NEK11: variants seen among roughly 807,000 people sequenced by gnomAD.
NEK11 encodes NIMA related kinase 11.
A neutral mutation model predicts 80.7 loss-of-function variants in NEK11; 72 were observed. That is an observed-to-expected ratio of 0.89 (90% CI 0.74 to 1.08). The LOEUF is 1.08. Ranked by LOEUF, NEK11 falls within the 50% of genes least tolerant of loss-of-function variation. NEK11 has a pLI of 0.00. For missense variants in NEK11, 764 were observed against 763.6 expected, an observed-to-expected ratio of 1.00 and a Z score of -0.01; for synonymous variants, 251 against 260.7, an observed-to-expected ratio of 0.96 and a Z score of 0.36.
intron 14 of NEK11, among the ~76,000 whole-genome samples, chr3:131,215,236 T>A (rs9824184): frequency 0.086 from 11,192 of 129,926 alleles, 474 homozygotes; most frequent in Non-Finnish European, 0.094. Flanking sequence ...GAACACTTGG[T>A]CACAGGAAGG....
chr3:131,118,298 C>A (rs1028028751), intron 5 of NEK11, among the ~76,000 whole-genome samples: 8 of 152,120 alleles, frequency 5.3e-5, no homozygotes, highest in Admixed American at 4.6e-4. Context: ...ATATGTTGAA[C>A]CAGCCTTGCA....
chr3:131,214,988 C>T (rs1177265890), intron 14 of NEK11, among the ~76,000 whole-genome samples: 2 of 152,088 alleles, frequency 1.3e-5, no homozygotes, highest in Non-Finnish European at 2.9e-5. Flanking sequence ...GAAAAGGTCA[C>T]GGTACTAACC....
chr3:131,165,649 A>G, intron 12 of NEK11, 130 bp downstream of exon 12: 1 of 626,250 alleles, frequency 1.6e-6, no homozygotes, highest in South Asian at 2.0e-5. Flanking sequence ...AATTCCAGGA[A>G]GGATTCTAGA....
chr3:131,308,619 T>G (rs907247080), intron 17 of NEK11, among the ~76,000 whole-genome samples: 2 of 152,232 alleles, frequency 1.3e-5, no homozygotes, highest in Non-Finnish European at 2.9e-5. Context: ...GTTGATGGTC[T>G]TCTGCATGTC....
chr3:131,250,839 T>A (rs2095687113), intron 16 of NEK11, among the ~76,000 whole-genome samples: 1 of 152,056 alleles, frequency 6.6e-6, no homozygotes, highest in South Asian at 2.1e-4. Context: ...TTAGAAGTTA[T>A]TAGAAAACTA....
At chr3:131,072,152 T>C (rs1414720652) in intron 3 of NEK11, 2 of 152,160 alleles carry the variant, frequency 1.3e-5, no homozygotes, top group Non-Finnish European at 2.9e-5. Context: ...TCAAGAAGTC[T>C]AGAGAGAGAG....
intron 14 of NEK11, among the ~76,000 whole-genome samples, chr3:131,225,868 G>A (rs539335284): frequency 7.9e-5 from 12 of 152,072 alleles, no homozygotes; most frequent in South Asian, 4.1e-4. Context: ...CTTTTGTTTC[G>A]ACTATAAAGA....
intron 16 of NEK11, among the ~76,000 whole-genome samples, chr3:131,259,946 C>T (rs886731273): frequency 2.0e-5 from 3 of 152,182 alleles, no homozygotes; most frequent in South Asian, 2.1e-4. Flanking sequence ...GCAGATTCTT[C>T]GACAGTTTTG....
rs759751535 is a variant in NEK11, at chr3:131,129,052, C to CTTTTTT, written c.456-3679_456-3674dup. Among the ~76,000 whole-genome samples, 4 of 109,550 alleles carry CTTTTTT rather than the reference C, an allele frequency of 3.7e-5. 1 individual carries two copies. Among genetic ancestry groups the CTTTTTT allele is most frequent in the African/African-American group, 1.1e-4 (3 of 27,454 alleles). 71.9% of individuals were successfully genotyped at this position (109,550 alleles called of 152,430 possible). A position where few individuals can be genotyped will look rare whatever the true frequency, so the allele number is the denominator to read the frequency against. On this transcript the variant is annotated intron_variant, in intron 5 of 17. Coordinates refer to ENST00000383366, the MANE Select transcript of NEK11 (RefSeq NM_024800.5). ...TTCTTTGTATATTTTGGATAACAGT[C>CTTTTTT]TTTTTTTTTTTTTTTTTTTGAGACT...
At chr3:131,265,035 G>A (rs1353297612) in intron 16 of NEK11, among the ~76,000 whole-genome samples, 1 of 152,162 alleles carries the variant, frequency 6.6e-6, no homozygotes, top group Non-Finnish European at 1.5e-5. Flanking sequence ...TGGTATATAG[G>A]AATGCTTGTG....
intron 5 of NEK11, among the ~76,000 whole-genome samples, chr3:131,110,386 T>C (rs2079911596): frequency 6.6e-6 from 1 of 152,134 alleles, no homozygotes; most frequent in South Asian, 2.1e-4. Flanking sequence ...ACAGAATGTA[T>C]TCTTTCACCT....
chr3:131,239,592 C>T (rs2095490027), intron 15 of NEK11, among the ~76,000 whole-genome samples: 3 of 152,138 alleles, frequency 2.0e-5, no homozygotes, highest in African/African-American at 7.2e-5. Context: ...GATATGCCTT[C>T]GGGAGTCAGT....
At chr3:131,054,450 A>C (rs915411240) in intron 3 of NEK11, 1 of 152,168 alleles carries the variant, frequency 6.6e-6, no homozygotes, top group African/African-American at 2.4e-5. Flanking sequence ...TTCTTCCGTG[A>C]AGGATATCTC....
chr3:131,254,862 A>G (rs1356718808), intron 16 of NEK11, among the ~76,000 whole-genome samples: 1 of 152,078 alleles, frequency 6.6e-6, no homozygotes, highest in Non-Finnish European at 1.5e-5. Flanking sequence ...TCTACTAAAA[A>G]TACAAAAATT....
intron 17 of NEK11, among the ~76,000 whole-genome samples, chr3:131,291,162 T>A (rs1056806054): frequency 6.6e-6 from 1 of 152,244 alleles, no homozygotes; most frequent in Non-Finnish European, 1.5e-5. Context: ...TTTTCTGGAA[T>A]GTCATATAGT....
At chr3:131,225,158 A>C (rs2095153660) in intron 14 of NEK11, among the ~76,000 whole-genome samples, 1 of 152,174 alleles carries the variant, frequency 6.6e-6, no homozygotes, top group Non-Finnish European at 1.5e-5. Flanking sequence ...CAGATGTGCC[A>C]TTTAAAAAAT....
chr3:131,157,825 A>G lies in NEK11; in HGVS notation c.962+2704A>G, dbSNP rs549026784. On this transcript the variant is annotated intron_variant, in intron 10 of 17. Coordinates refer to ENST00000383366, the MANE Select transcript of NEK11 (RefSeq NM_024800.5). The stretch of plus-strand genomic sequence containing the variant: ...GCAGAGAGCAACCTATTCTTGCCAC[A>G]GGCCTCTGGAATCCTGGCTGGAGGA... Among the ~76,000 whole-genome samples, 19 of 152,286 alleles carry G rather than the reference A, an allele frequency of 1.2e-4. 1 individual carries two copies. The South Asian group carries it at 4.0e-3, about 32-fold the overall frequency.
chr3:131,047,273 C>T (rs1263914254), intron 3 of NEK11, among the ~76,000 whole-genome samples: 1 of 152,102 alleles, frequency 6.6e-6, no homozygotes, highest in Non-Finnish European at 1.5e-5. Context: ...AATTCTTTTT[C>T]TGGCAATTCA....
chr3:131,125,465 G>C (rs1027702997), intron 5 of NEK11, among the ~76,000 whole-genome samples: 5 of 152,114 alleles, frequency 3.3e-5, no homozygotes, highest in Non-Finnish European at 7.4e-5. Flanking sequence ...TACTGAGAGA[G>C]ATATTTCCTT....
Sources: allele counts gnomAD v4.1 joint callset (sites outside exome capture counted in the v4.1 genomes callset), GRCh38; gene constraint gnomAD v4.1.1; transcripts MANE v1.5; gene names NCBI Gene and HGNC (gene_info 2026-07-23, HGNC 2026-07-21).